Variants in VPS13B observed in about 807,000 individuals in gnomAD.
The protein encoded by VPS13B is intermembrane lipid transfer protein VPS13B.
VPS13B carries 285 observed loss-of-function variants against 426.4 expected under a neutral mutation model. That is an observed-to-expected ratio of 0.67 (90% CI 0.61 to 0.74). The LOEUF is 0.74. VPS13B is among the 30% of genes least tolerant of loss of function. The pLI, the probability that VPS13B is intolerant of heterozygous loss-of-function variation, is 0.00. For missense variants in VPS13B, 4,537 were observed against 4,782.6 expected (o/e 0.95, Z 1.51); for synonymous variants, 1,676 against 1,676.4 (o/e 1.00, Z 0.01).
chr8:99,583,713 T>G (rs1473107425), intron 33 of VPS13B, among the ~76,000 whole-genome samples: 1 of 152,134 alleles, frequency 6.6e-6, no homozygotes. Context: ...TTTAATTGTG[T>G]GGTTGCGTAA....
intron 43 of VPS13B, among the ~76,000 whole-genome samples, chr8:99,805,795 A>G (rs1376566263): frequency 6.6e-6 from 1 of 152,214 alleles, no homozygotes; most frequent in Non-Finnish European, 1.5e-5. Flanking sequence ...ACTTCCAACA[A>G]GAATAGTTCC....
chr8:99,472,284 A>G (rs963020556), intron 24 of VPS13B, among the ~76,000 whole-genome samples: 4 of 152,108 alleles, frequency 2.6e-5, no homozygotes, highest in African/African-American at 9.6e-5. Context: ...ATAGAACAGT[A>G]TATCCAACAA....
chr8:99,767,341 TG>T (rs1335863987), intron 40 of VPS13B, among the ~76,000 whole-genome samples: 3 of 151,848 alleles, frequency 2.0e-5, no homozygotes, highest in African/African-American at 7.3e-5. Flanking sequence ...AATCAATATG[TG>T]TAATGATTAT....
chr8:99,276,824 C>A (rs1166932861), intron 19 of VPS13B, among the ~76,000 whole-genome samples: 1 of 152,024 alleles, frequency 6.6e-6, no homozygotes, highest in Non-Finnish European at 1.5e-5. Flanking sequence ...ACTAAAATGA[C>A]CAGACCATTC....
intron 17 of VPS13B, among the ~76,000 whole-genome samples, chr8:99,263,190 T>C (rs1818138610): frequency 6.6e-6 from 1 of 152,200 alleles, no homozygotes; most frequent in Non-Finnish European, 1.5e-5. Flanking sequence ...CAACTTATTC[T>C]TAGATATGTA....
intron 37 of VPS13B, 45 bp from the exon 38 acceptor site, chr8:99,720,300 A>G (rs1367285894): frequency 4.0e-6 from 6 of 1,481,762 alleles, no homozygotes; most frequent in Admixed American, 3.4e-5. Flanking sequence ...GTCTCAAGAA[A>G]TGTTTGTATT....
At chr8:99,868,524 C>T in intron 59 of VPS13B, 59 bp downstream of exon 59, 2 of 1,551,764 alleles carry the variant, frequency 1.3e-6, no homozygotes, top group South Asian at 1.2e-5. Context: ...CATGCTTATA[C>T]CAAGGGTTCC....
intron 23 of VPS13B, among the ~76,000 whole-genome samples, 170 bp from the exon 24 acceptor site, chr8:99,467,244 T>A (rs576461368): frequency 1.3e-5 from 2 of 152,288 alleles, no homozygotes; most frequent in African/African-American, 4.8e-5. Flanking sequence ...CTGACAGAAT[T>A]TTCAGTAGCA....
intron 25 of VPS13B, among the ~76,000 whole-genome samples, chr8:99,486,342 C>A (rs1448194305): frequency 6.6e-6 from 1 of 152,072 alleles, no homozygotes; most frequent in African/African-American, 2.4e-5. Flanking sequence ...TCTCCTGCCT[C>A]AGCCTCCTGA....
At chr8:99,831,076 C>CTTTTTTT (rs773817774) in intron 51 of VPS13B, among the ~76,000 whole-genome samples, 3 of 120,078 alleles carry the variant, frequency 2.5e-5, no homozygotes, top group East Asian at 2.6e-4. Flanking sequence ...GTGTTTTTTT[C>CTTTTTTT]TTTTTTTTTT....
At chr8:99,589,622 T>C (rs934038284) in intron 33 of VPS13B, among the ~76,000 whole-genome samples, 4 of 151,726 alleles carry the variant, frequency 2.6e-5, no homozygotes, top group Non-Finnish European at 5.9e-5. Flanking sequence ...ACATTTCGGT[T>C]GGTTCCAAGT....
At chr8:99,426,236 A>G (rs1310263129) in intron 21 of VPS13B, among the ~76,000 whole-genome samples, 2 of 137,074 alleles carry the variant, frequency 1.5e-5, no homozygotes, top group Non-Finnish European at 3.1e-5. Context: ...TACAAAGGAC[A>G]TGAACTCATC....
In VPS13B at chr8:99,115,892, T is replaced by G. The variant is rs904758634; in HGVS notation, c.937+18T>G. On this transcript the variant is annotated intron_variant, in intron 7 of 61. Transcript: ENST00000357162. ...CATTACAGGTAATGTAAAACTTTAT[T>G]AAACAAAAACTTTATTTTAAGACTA... 1 of 1,608,186 alleles carries G rather than the reference T, an allele frequency of 6.2e-7. No homozygotes were observed. The highest frequency in any genetic ancestry group is 8.5e-7 in the Non-Finnish European group (1 of 1,177,680).
At chr8:99,595,581 A>ACAC (rs1447404291) in intron 33 of VPS13B, among the ~76,000 whole-genome samples, 1 of 151,968 alleles carries the variant, frequency 6.6e-6, no homozygotes, top group East Asian at 1.9e-4. Context: ...TTTAGATATG[A>ACAC]CACCAAATCA....
chr8:99,744,791 A>T (rs1431105587), intron 39 of VPS13B, among the ~76,000 whole-genome samples: 1 of 144,646 alleles, frequency 6.9e-6, no homozygotes, highest in Non-Finnish European at 1.5e-5. Flanking sequence ...GGACACAGGA[A>T]GGGGAACATC....
At chr8:99,121,104 A>G (rs1353754044) in intron 7 of VPS13B, 73 bp from the exon 8 acceptor site, 2 of 1,457,706 alleles carry the variant, frequency 1.4e-6, no homozygotes, top group African/African-American at 1.4e-5. Context: ...GAAAAATTTT[A>G]AAGGATGTCT....
rs569139202 is a variant in VPS13B at position 99,324,303 on chromosome 8, C to G, written c.2824+49049C>G. Among the ~76,000 whole-genome samples the G allele has an allele frequency of 2.6e-5, 4 of 152,086 alleles. No individual in the cohort carries two copies. In the South Asian group the frequency reaches 8.3e-4, roughly 32 times the overall value. Reference sequence around the variant, plus strand: ...CTATTTACTCTAACCAAATATTAACCTTTTTATTCTTTTCAGCTTTTAAGT... The same window carrying G: ...CTATTTACTCTAACCAAATATTAACGTTTTTATTCTTTTCAGCTTTTAAGT... On this transcript the variant is annotated intron_variant, in intron 19 of 61. Transcript: ENST00000357162.
At chr8:99,358,325 A>G (rs1332675386) in intron 19 of VPS13B, among the ~76,000 whole-genome samples, 4 of 152,212 alleles carry the variant, frequency 2.6e-5, no homozygotes, top group African/African-American at 4.8e-5. Context: ...TGTGGGTTTC[A>G]TAATACTGGA....
At chr8:99,788,465 T>A (rs1307206005) in intron 43 of VPS13B, among the ~76,000 whole-genome samples, 1 of 151,206 alleles carries the variant, frequency 6.6e-6, no homozygotes, top group Non-Finnish European at 1.5e-5. Flanking sequence ...AAATATTCAT[T>A]AAACAGAGTG....
Sources: allele counts gnomAD v4.1 joint callset (sites outside exome capture counted in the v4.1 genomes callset), GRCh38; gene constraint gnomAD v4.1.1; transcripts MANE v1.5; gene names NCBI Gene and HGNC (gene_info 2026-07-23, HGNC 2026-07-21).